The following KIRREL3 variants were observed in gnomAD, a reference collection of about 807,000 sequenced individuals.
The protein encoded by KIRREL3 is kirre like nephrin family adhesion molecule 3, also known as kin of IRRE-like protein 3.
A neutral mutation model predicts 89.7 loss-of-function variants in KIRREL3; 36 were observed. The observed-to-expected ratio is 0.40, with a 90% CI of 0.31 to 0.53. The LOEUF (loss-of-function observed/expected upper bound fraction) is 0.53, where lower values mean the gene tolerates loss of function less well. Ranked by LOEUF, KIRREL3 falls within the 20% of genes least tolerant of loss-of-function variation. The probability of loss-of-function intolerance (pLI) is 0.49; values close to 1 mark genes in which losing one functional copy is unlikely to be tolerated. For synonymous variants in KIRREL3, 445 were observed against 441.4 expected (o/e 1.01, Z -0.10); for missense variants, 864 against 1,056.6 (o/e 0.82, Z 2.53).
chr11:126,479,394 G>A (rs1467219582), intron 4 of KIRREL3, among the ~76,000 whole-genome samples: 3 of 152,150 alleles, frequency 2.0e-5, no homozygotes, highest in Non-Finnish European at 2.9e-5. Flanking sequence ...AGCCATACAC[G>A]GCCTGCCATC....
At chr11:126,464,124 A>T (rs1591583105) in intron 5 of KIRREL3, among the ~76,000 whole-genome samples, 1 of 152,138 alleles carries the variant, frequency 6.6e-6, no homozygotes, top group African/African-American at 2.4e-5. Context: ...AGTTTAGTTA[A>T]GCAATTAGTA....
rs1949732488 is a variant in KIRREL3, at chr11:126,981,888, CT to C, written c.55+18566del. On this transcript the variant is annotated intron_variant, in intron 1 of 16. Transcript: ENST00000525144. This position sits in a 1 kb window ranked among gnomAD's most constrained non-coding sequence, Gnocchi z 4.2. ...TTGGGGGCTCTGCTGGGATGACAGC[CT>C]TTAAACACCTCATTAATATTCAAAT... 6.6e-6 allele frequency among the ~76,000 whole-genome samples: 1 copy of C among 152,210 alleles called. No homozygotes were observed. Among genetic ancestry groups the C allele is most frequent in the Admixed American group, 6.5e-5 (1 of 15,284 alleles).
In KIRREL3 at chr11:126,703,632, T is replaced by G. The variant is rs116986715; in HGVS notation, c.56-140720A>C. Among the ~76,000 whole-genome samples, 780 of 152,332 alleles carry G rather than the reference T, an allele frequency of 5.1e-3. 2 individuals carry two copies. The highest frequency in any genetic ancestry group is 0.01 in the Admixed American group (156 of 15,312). On this transcript the variant is annotated intron_variant, in intron 1 of 16. Transcript: ENST00000525144. This position sits in a 1 kb window ranked among gnomAD's most constrained non-coding sequence, Gnocchi z 4.6. Reference sequence around the variant, plus strand: ...CTGGCTGACTCCTAAGTTCACACTTTGTCTTCATTCATGATACAAAAGAGA... The same window carrying G: ...CTGGCTGACTCCTAAGTTCACACTTGGTCTTCATTCATGATACAAAAGAGA...
chr11:126,742,113 A>G lies in KIRREL3; in HGVS notation c.56-179201T>C, dbSNP rs942058553. ...ATTGAACTTCCCATTTCCCAGTTTC[A>G]GCTTCCAGAATGCAACCTTAATCTT... On this transcript the variant is annotated intron_variant, in intron 1 of 16. Transcript: ENST00000525144. The surrounding 1 kb of genome is among the most constrained non-coding windows in gnomAD (Gnocchi z 5.3). Among the ~76,000 whole-genome samples, 1 of 152,244 alleles carries G rather than the reference A, an allele frequency of 6.6e-6. No individual in the cohort carries two copies. The highest frequency in any genetic ancestry group is 1.5e-5 in the Non-Finnish European group (1 of 68,040).
In KIRREL3 at chr11:126,768,373, G is replaced by T. The variant is rs929207950; in HGVS notation, c.56-205461C>A. On this transcript the variant is annotated intron_variant, in intron 1 of 16. Transcript: ENST00000525144. This position sits in a 1 kb window ranked among gnomAD's most constrained non-coding sequence, Gnocchi z 4.5. ...ATCCCACAAATACTGAGTGCTCATT[G>T]TATGCAGGCACTGCATGTCCCAGGT... is the stretch of plus-strand genomic sequence containing the variant. Among the ~76,000 whole-genome samples, 1 of 152,198 alleles carries T rather than the reference G, an allele frequency of 6.6e-6. No individual in the cohort carries two copies. The highest frequency in any genetic ancestry group is 1.5e-5 in the Non-Finnish European group (1 of 68,036).
Position 126,883,691 on chromosome 11 carries a change from C to G in KIRREL3, c.55+116764G>C, listed in dbSNP as rs1452552728. Among the ~76,000 whole-genome samples the G allele has an allele frequency of 3.9e-5, 6 of 152,152 alleles. No homozygotes were observed. Among genetic ancestry groups the G allele is most frequent in the African/African-American group, 1.2e-4 (5 of 41,432 alleles). The stretch of plus-strand genomic sequence containing the variant: ...AGACTTTTTCCATTCCCACTTCACA[C>G]TGTGAGGATCTCCTGGACAAGCATT... On this transcript the variant is annotated intron_variant, in intron 1 of 16. Coordinates refer to ENST00000525144, the MANE Select transcript of KIRREL3 (RefSeq NM_032531.4). The surrounding 1 kb of genome is among the most constrained non-coding windows in gnomAD (Gnocchi z 4.1).
chr11:126,508,571 C>A lies in KIRREL3; in HGVS notation c.433+12744G>T, dbSNP rs1253980588. Among the ~76,000 whole-genome samples the A allele has an allele frequency of 6.6e-6, 1 of 152,104 alleles. No homozygotes were observed. On this transcript the variant is annotated intron_variant, in intron 4 of 16. Transcript: ENST00000525144. This position sits in a 1 kb window ranked among gnomAD's most constrained non-coding sequence, Gnocchi z 4.9. Reference sequence around the variant, plus strand: ...GTTCAAGCAGGGCTCCTGGAGTTCCCAGGGGCTAGGAAGAAACCTGTTTCA... The same window carrying A: ...GTTCAAGCAGGGCTCCTGGAGTTCCAAGGGGCTAGGAAGAAACCTGTTTCA...
intron 1 of KIRREL3, among the ~76,000 whole-genome samples, chr11:126,840,369 T>A (rs1299132166): frequency 6.6e-6 from 1 of 152,312 alleles, no homozygotes; most frequent in Non-Finnish European, 1.5e-5. Context: ...TCTCAGTTAA[T>A]GTTTTCAGGC....
chr11:126,940,431 A>G lies in KIRREL3; in HGVS notation c.55+60024T>C, dbSNP rs1328854785. The G allele has an allele frequency of 6.6e-6, 1 of 152,256 alleles. No homozygotes were observed. The highest frequency in any genetic ancestry group is 2.4e-5 in the African/African-American group (1 of 41,472). 9.4% of individuals were successfully genotyped at this position (152,256 alleles called of 1,614,324 possible). On this transcript the variant is annotated intron_variant, in intron 1 of 16. Coordinates refer to ENST00000525144, the MANE Select transcript of KIRREL3 (RefSeq NM_032531.4). This position sits in a 1 kb window ranked among gnomAD's most constrained non-coding sequence, Gnocchi z 4.6. ...AAGTATAATTATATGCAATTAAAAAATGAACAGTATTTCTTACCCGAGTGA... is the reference window on the plus strand; with the variant it reads ...AAGTATAATTATATGCAATTAAAAAGTGAACAGTATTTCTTACCCGAGTGA...
rs915990452 is a variant in KIRREL3, at chr11:126,645,306, G to A, written c.56-82394C>T. Among the ~76,000 whole-genome samples the A allele has an allele frequency of 1.7e-4, 26 of 152,112 alleles. No homozygotes were observed. The highest frequency in any genetic ancestry group is 5.6e-4 in the African/African-American group (23 of 41,420). ...TTCAGTTTTTATGAAGACCTCCAGC[G>A]TCTTCATGTGTGGTCCTCAAATCCT... On this transcript the variant is annotated intron_variant, in intron 1 of 16. Coordinates refer to ENST00000525144, the MANE Select transcript of KIRREL3 (RefSeq NM_032531.4). This position sits in a 1 kb window ranked among gnomAD's most constrained non-coding sequence, Gnocchi z 4.9.
At chr11:126,919,177 C>T (rs1414735137) in intron 1 of KIRREL3, among the ~76,000 whole-genome samples, 5 of 151,978 alleles carry the variant, frequency 3.3e-5, no homozygotes, top group African/African-American at 4.8e-5. Flanking sequence ...TTGTGGGTTT[C>T]GATAAGCCTG....
At chr11:126,661,851 A>C (rs1945417998) in intron 1 of KIRREL3, among the ~76,000 whole-genome samples, 1 of 152,210 alleles carries the variant, frequency 6.6e-6, no homozygotes, top group South Asian at 2.1e-4. Flanking sequence ...AGACAGCCCG[A>C]GCTAAAGCCT....
Position 126,879,795 on chromosome 11 carries a change from C to T in KIRREL3, c.55+120660G>A, listed in dbSNP as rs1238919895. Reference sequence around the variant, plus strand: ...GAATGGTAAAGGACATCTCAAGGAGCTCAACTGGTCTTATGACCCTGAACC... The same window carrying T: ...GAATGGTAAAGGACATCTCAAGGAGTTCAACTGGTCTTATGACCCTGAACC... On this transcript the variant is annotated intron_variant, in intron 1 of 16. Transcript: ENST00000525144. The surrounding 1 kb of genome is among the most constrained non-coding windows in gnomAD (Gnocchi z 5.4). Among the ~76,000 whole-genome samples, 1 of 152,238 alleles carries T rather than the reference C, an allele frequency of 6.6e-6. No homozygotes were observed. The highest frequency in any genetic ancestry group is 1.5e-5 in the Non-Finnish European group (1 of 68,044).
intron 1 of KIRREL3, among the ~76,000 whole-genome samples, chr11:126,731,433 A>C (rs913203982): frequency 2.0e-5 from 3 of 152,194 alleles, no homozygotes; most frequent in Admixed American, 1.3e-4. Context: ...TCCTGGACAA[A>C]GCTTTCTCTT....
At position 126,967,281 on chromosome 11, in the gene KIRREL3, G is replaced by T. The variant is rs190149679; in HGVS notation, c.55+33174C>A. ...ACTTTCCTCGGTGCTCCTTCACCATGCCCGCACATCCCTCCAAAGAGCACT... is the reference window on the plus strand; with the variant it reads ...ACTTTCCTCGGTGCTCCTTCACCATTCCCGCACATCCCTCCAAAGAGCACT... On this transcript the variant is annotated intron_variant, in intron 1 of 16. Transcript: ENST00000525144. Among the ~76,000 whole-genome samples, 62 of 152,150 alleles carry T rather than the reference G, an allele frequency of 4.1e-4. 1 individual carries two copies. The highest frequency in any genetic ancestry group is 1.2e-3 in the African/African-American group (51 of 41,514).
At chr11:126,572,607 T>C (rs1260150266) in intron 1 of KIRREL3, among the ~76,000 whole-genome samples, 1 of 150,442 alleles carries the variant, frequency 6.6e-6, no homozygotes, top group East Asian at 1.9e-4. Context: ...GCTGATGGAG[T>C]CACAGGCATC....
rs765159970 is a variant in KIRREL3, at chr11:126,651,800, G to C, written c.56-88888C>G. Among the ~76,000 whole-genome samples, 1 of 152,162 alleles carries C rather than the reference G, an allele frequency of 6.6e-6. No individual in the cohort carries two copies. The highest frequency in any genetic ancestry group is 1.5e-5 in the Non-Finnish European group (1 of 68,042). On this transcript the variant is annotated intron_variant, in intron 1 of 16. Transcript: ENST00000525144. This position sits in a 1 kb window ranked among gnomAD's most constrained non-coding sequence, Gnocchi z 4.6. The stretch of plus-strand genomic sequence containing the variant: ...ACACATATTAGGAATGATTATACCA[G>C]AGAACCCAATAAATGAGAAGTTTTG...
chr11:127,002,585 C>T (rs111237454), upstream of KIRREL3, among the ~76,000 whole-genome samples: 5 of 152,164 alleles, frequency 3.3e-5, no homozygotes, highest in Non-Finnish European at 7.3e-5. Flanking sequence ...TGTATAGCGC[C>T]GTCACCTTAG....
At chr11:126,435,145 G>T (rs1055678746) in intron 13 of KIRREL3, 123 bp downstream of exon 13, 1 of 1,020,198 alleles carries the variant, frequency 9.8e-7, no homozygotes, top group Non-Finnish European at 1.5e-6. Context: ...CCTCAGGACG[G>T]GGGAGGGCGG....
Sources: allele counts gnomAD v4.1 joint callset (sites outside exome capture counted in the v4.1 genomes callset), GRCh38; gene constraint gnomAD v4.1.1; non-coding constraint Gnocchi (gnomAD v3.1); transcripts MANE v1.5; gene names NCBI Gene and HGNC (gene_info 2026-07-23, HGNC 2026-07-21).